PTPRD: variants seen among roughly 807,000 people sequenced by gnomAD.
The protein encoded by PTPRD is protein tyrosine phosphatase receptor type D, also known as receptor-type tyrosine-protein phosphatase delta.
PTPRD carries 34 observed loss-of-function variants against 214.5 expected under a neutral mutation model. That is an observed-to-expected ratio of 0.16 (90% CI 0.12 to 0.21). The LOEUF (loss-of-function observed/expected upper bound fraction) is 0.21, where lower values mean the gene tolerates loss of function less well. Among genes scored for constraint, PTPRD ranks in the 10% least tolerant of loss-of-function variants. The pLI is 1.00. For missense variants in PTPRD, 2,545 were observed against 2,398.7 expected (o/e 1.06, Z -1.27); for synonymous variants, 1,128 against 845.7 (o/e 1.33, Z -5.79).
rs144009640 is a variant in PTPRD, at chr9:9,298,160, T to C, written c.-203+99289A>G. ...GTCAGAAAAGGAAGAAAGTTTGAACTTAGGCAGTTGATAAATTTAGTATGA... is the reference window on the plus strand; with the variant it reads ...GTCAGAAAAGGAAGAAAGTTTGAACCTAGGCAGTTGATAAATTTAGTATGA... On this transcript the variant is annotated intron_variant, in intron 9 of 45. Coordinates refer to ENST00000381196, the MANE Select transcript of PTPRD (RefSeq NM_002839.4). Among the ~76,000 whole-genome samples, 256 of 151,812 alleles carry C rather than the reference T, an allele frequency of 1.7e-3. 3 individuals are homozygous for C. Among genetic ancestry groups the C allele is most frequent in the African/African-American group, 5.8e-3 (242 of 41,498 alleles).
intron 14 of PTPRD, among the ~76,000 whole-genome samples, chr9:8,580,026 G>C (rs1167184841): frequency 1.3e-5 from 2 of 152,132 alleles, no homozygotes; most frequent in African/African-American, 4.8e-5. Flanking sequence ...GGGATTACAA[G>C]TTTCCAGTCA....
At chr9:8,959,401 A>G (rs183578507) in intron 11 of PTPRD, among the ~76,000 whole-genome samples, 2 of 152,112 alleles carry the variant, frequency 1.3e-5, no homozygotes, top group African/African-American at 4.8e-5. Flanking sequence ...GGAAAGAAGA[A>G]ATAATACATG....
At chr9:9,678,346 AC>A (rs2096980460) in intron 7 of PTPRD, among the ~76,000 whole-genome samples, 1 of 151,884 alleles carries the variant, frequency 6.6e-6, no homozygotes, top group Non-Finnish European at 1.5e-5. Flanking sequence ...AACCAAAACA[AC>A]ATGGTACTGG....
chr9:9,795,482 G>C (rs920597143), intron 5 of PTPRD, among the ~76,000 whole-genome samples: 2 of 152,110 alleles, frequency 1.3e-5, no homozygotes, highest in Non-Finnish European at 2.9e-5. Flanking sequence ...CCAAAAACAA[G>C]TCTGAGGAAA....
chr9:8,690,530 A>C (rs77236768), intron 12 of PTPRD, among the ~76,000 whole-genome samples: 1 of 75,420 alleles, frequency 1.3e-5, no homozygotes, highest in Non-Finnish European at 2.4e-5. Context: ...CTCCGTCTCA[A>C]AAAAAAAAAA....
At chr9:8,756,021 C>T (rs1244269378) in intron 11 of PTPRD, among the ~76,000 whole-genome samples, 3 of 152,136 alleles carry the variant, frequency 2.0e-5, no homozygotes, top group Non-Finnish European at 4.4e-5. Context: ...AAAATATGAT[C>T]TCAGACTTTT....
chr9:10,567,861 A>G (rs546698469), intron 2 of PTPRD, among the ~76,000 whole-genome samples: 11 of 151,826 alleles, frequency 7.2e-5, no homozygotes, highest in African/African-American at 2.2e-4. Context: ...TCATTAAATT[A>G]TTGGAAACAA....
chr9:8,464,711 T>TC (rs751479032), intron 32 of PTPRD, among the ~76,000 whole-genome samples: 573 of 53,200 alleles, frequency 0.011, 7 homozygotes, highest in Admixed American at 0.075. Flanking sequence ...ACAATATCTC[T>TC]CCCCTTTTTT....
chr9:9,787,010 G>A (rs143487554), intron 5 of PTPRD, among the ~76,000 whole-genome samples: 5,441 of 151,970 alleles, frequency 0.036, 138 homozygotes, highest in Middle Eastern at 0.092. Flanking sequence ...GGTGGTGTGC[G>A]CCTGAAGTCC....
intron 12 of PTPRD, among the ~76,000 whole-genome samples, chr9:8,705,746 T>C (rs2098192489): frequency 6.6e-6 from 1 of 152,344 alleles, no homozygotes; most frequent in East Asian, 1.9e-4. Flanking sequence ...TTTATAATTA[T>C]GTATCACATG....
intron 11 of PTPRD, among the ~76,000 whole-genome samples, chr9:8,787,391 C>G (rs935292606): frequency 6.6e-6 from 1 of 152,184 alleles, no homozygotes; most frequent in African/African-American, 2.4e-5. Flanking sequence ...AAACATCCCT[C>G]ATTTCTGACG....
intron 7 of PTPRD, among the ~76,000 whole-genome samples, chr9:9,689,172 C>T (rs917843227): frequency 6.6e-6 from 1 of 151,738 alleles, no homozygotes; most frequent in African/African-American, 2.4e-5. Context: ...ATTCCAATTT[C>T]ACGACCAGAG....
intron 3 of PTPRD, among the ~76,000 whole-genome samples, chr9:10,218,202 G>T (rs140821077): frequency 6.6e-6 from 1 of 151,734 alleles, no homozygotes; most frequent in African/African-American, 2.4e-5. Context: ...TCTTAGTAAA[G>T]GCAGACTTAA....
At chr9:10,277,001 C>G (rs1001897337) in intron 3 of PTPRD, among the ~76,000 whole-genome samples, 1 of 152,036 alleles carries the variant, frequency 6.6e-6, no homozygotes, top group Non-Finnish European at 1.5e-5. Context: ...ATGGCATGTC[C>G]AAAGGCCAGG....
intron 2 of PTPRD, among the ~76,000 whole-genome samples, chr9:10,362,415 A>C (rs1402298326): frequency 6.6e-6 from 1 of 151,852 alleles, no homozygotes; most frequent in African/African-American, 2.4e-5. Context: ...CCAGTATATC[A>C]AAAGGAACTG....
intron 3 of PTPRD, among the ~76,000 whole-genome samples, chr9:10,270,004 G>C (rs1409836888): frequency 6.6e-6 from 1 of 151,938 alleles, no homozygotes; most frequent in East Asian, 1.9e-4. Flanking sequence ...CTTGAGAGGA[G>C]GAAATACATG....
intron 3 of PTPRD, among the ~76,000 whole-genome samples, chr9:10,143,231 A>T (rs994827060): frequency 5.9e-5 from 9 of 152,114 alleles, no homozygotes; most frequent in African/African-American, 1.9e-4. Context: ...ATATGTAACT[A>T]ATCTGCACAT....
At chr9:9,156,432 T>C (rs1387629729) in intron 10 of PTPRD, among the ~76,000 whole-genome samples, 1 of 151,322 alleles carries the variant, frequency 6.6e-6, no homozygotes, top group Non-Finnish European at 1.5e-5. Flanking sequence ...TTTTTATAAA[T>C]ATATAAAAAG....
chr9:10,181,942 TAAAAAA>T (rs3075573), intron 3 of PTPRD, among the ~76,000 whole-genome samples: 1 of 38,512 alleles, frequency 2.6e-5, no homozygotes, highest in Admixed American at 3.1e-4. Flanking sequence ...TCATAAATAC[TAAAAAA>T]AAAAAAAAAA....
Sources: allele counts gnomAD v4.1 joint callset (sites outside exome capture counted in the v4.1 genomes callset), GRCh38; gene constraint gnomAD v4.1.1; transcripts MANE v1.5; gene names NCBI Gene and HGNC (gene_info 2026-07-23, HGNC 2026-07-21).